SEPTIN14: variants seen among roughly 807,000 people sequenced by gnomAD.
SEPTIN14 encodes septin 14.
SEPTIN14 carries 40 observed loss-of-function variants against 53.6 expected under a neutral mutation model. The observed-to-expected ratio is 0.75, with a 90% CI of 0.58 to 0.97. SEPTIN14 has a LOEUF of 0.97. Ranked by LOEUF, SEPTIN14 falls within the 50% of genes least tolerant of loss-of-function variation. The probability of loss-of-function intolerance (pLI) is 0.00; values close to 1 mark genes in which losing one functional copy is unlikely to be tolerated. For missense variants in SEPTIN14, 471 were observed against 508.2 expected (o/e 0.93, Z 0.70); for synonymous variants, 138 against 166.8 (o/e 0.83, Z 1.33).
intron 2 of SEPTIN14, among the ~76,000 whole-genome samples, chr7:55,850,330 C>T (rs546690933): frequency 6.6e-6 from 1 of 152,148 alleles, no homozygotes; most frequent in African/African-American, 2.4e-5. Flanking sequence ...ATTAGCCGGG[C>T]ATGGTGGCAC....
At chr7:55,843,199 G>A in intron 4 of SEPTIN14, 71 bp from the exon 5 acceptor site, 1 of 909,286 alleles carries the variant, frequency 1.1e-6, no homozygotes, top group Non-Finnish European at 1.6e-6. Context: ...ACCACTTAAT[G>A]AGCAGTTAAC....
rs1562710019 is a variant in SEPTIN14, at chr7:55,819,242, A to G, written c.721-19T>C. 2 of 1,440,224 alleles carry G rather than the reference A, an allele frequency of 1.4e-6. No individual in the cohort carries two copies. The highest frequency in any genetic ancestry group is 1.9e-6 in the Non-Finnish European group (2 of 1,045,094). 89.2% of individuals were successfully genotyped at this position (1,440,224 alleles called of 1,614,324 possible). A position where few individuals can be genotyped will look rare whatever the true frequency, so the allele number is the denominator to read the frequency against. ...ACAGCCCCTAGAAAACAAGAATGAC[A>G]TGAATTGAATTCTCTAGCACCATTA... is the stretch of plus-strand genomic sequence containing the variant. On this transcript the variant is annotated intron_variant, in intron 6 of 9. Transcript: ENST00000388975.
At chr7:55,857,754 A>AT (rs1244216939) in intron 2 of SEPTIN14, among the ~76,000 whole-genome samples, 2 of 149,830 alleles carry the variant, frequency 1.3e-5, no homozygotes, top group South Asian at 2.1e-4. Flanking sequence ...CGCCCGGCTA[A>AT]TTTTTTGCAT....
At chr7:55,805,949 T>G (rs536482743) in intron 8 of SEPTIN14, among the ~76,000 whole-genome samples, 1 of 152,260 alleles carries the variant, frequency 6.6e-6, no homozygotes, top group South Asian at 2.1e-4. Flanking sequence ...ATGAATGATA[T>G]AACTAGATTA....
intron 6 of SEPTIN14, among the ~76,000 whole-genome samples, chr7:55,826,864 C>T (rs1014564706): frequency 2.0e-5 from 3 of 151,918 alleles, no homozygotes; most frequent in Non-Finnish European, 2.9e-5. Context: ...TGGCCTGGCA[C>T]CCTTCTGAGA....
intron 6 of SEPTIN14, among the ~76,000 whole-genome samples, chr7:55,833,553 C>G (rs1179269055): frequency 2.0e-5 from 3 of 151,510 alleles, no homozygotes; most frequent in Non-Finnish European, 4.4e-5. Flanking sequence ...ACTAAAAACA[C>G]AAAAATTAGC....
At chr7:55,840,241 C>A (rs1224907189) in intron 5 of SEPTIN14, among the ~76,000 whole-genome samples, 2 of 151,294 alleles carry the variant, frequency 1.3e-5, no homozygotes, top group African/African-American at 2.4e-5. Context: ...GTAATCCCAA[C>A]ACTTTGGGAG....
chr7:55,842,660 C>A (rs545160789), intron 5 of SEPTIN14, among the ~76,000 whole-genome samples: 3 of 151,684 alleles, frequency 2.0e-5, no homozygotes, highest in African/African-American at 7.2e-5. Flanking sequence ...CACCTGTAAT[C>A]CCAGCACTCT....
chr7:55,823,613 G>A (rs1044854208), intron 6 of SEPTIN14, among the ~76,000 whole-genome samples: 13 of 152,156 alleles, frequency 8.5e-5, no homozygotes, highest in East Asian at 1.9e-4. Context: ...GGCAGGTAGC[G>A]CGCCCAAGCA....
chr7:55,813,901 C>T (rs188676761), intron 7 of SEPTIN14, among the ~76,000 whole-genome samples: 43 of 152,130 alleles, frequency 2.8e-4, no homozygotes, highest in Non-Finnish European at 5.1e-4. Context: ...AGTAGCAAGG[C>T]AGTAGTTGCC....
rs113774830 is a variant in SEPTIN14 at position 55,807,962 on chromosome 7, T to C, written c.818-704A>G. Among the ~76,000 whole-genome samples, 1,244 of 152,176 alleles carry C rather than the reference T, an allele frequency of 8.2e-3. 8 individuals carry two copies. The highest frequency in any genetic ancestry group is 0.014 in the Middle Eastern group (4 of 294). ...GGTCAGTTCATTAAAAAAATAACAA[T>C]TGTAAATATATATGCACCCAATATC... On this transcript the variant is annotated intron_variant, in intron 7 of 9. Coordinates refer to ENST00000388975, the MANE Select transcript of SEPTIN14 (RefSeq NM_207366.3).
intron 3 of SEPTIN14, among the ~76,000 whole-genome samples, chr7:55,845,165 T>C: frequency 6.6e-6 from 1 of 152,160 alleles, no homozygotes. Flanking sequence ...AGTGAGAACA[T>C]GGCACATGTT....
intron 6 of SEPTIN14, among the ~76,000 whole-genome samples, chr7:55,829,532 CAG>C (rs1279461475): frequency 6.6e-6 from 1 of 151,996 alleles, no homozygotes; most frequent in African/African-American, 2.4e-5. Flanking sequence ...AAAAGATCAT[CAG>C]AGACTAATAT....
chr7:55,803,795 T>C (rs1317715989), intron 9 of SEPTIN14, among the ~76,000 whole-genome samples: 1 of 151,872 alleles, frequency 6.6e-6, no homozygotes, highest in East Asian at 1.9e-4. Flanking sequence ...ATTTAAATGG[T>C]TGCTTCGGTT....
chr7:55,844,304 G>C (rs115547635), intron 4 of SEPTIN14, among the ~76,000 whole-genome samples: 66 of 151,990 alleles, frequency 4.3e-4, no homozygotes, highest in Middle Eastern at 3.4e-3. Flanking sequence ...ACTAATAGAA[G>C]CTATATTTAA....
In SEPTIN14 at chr7:55,848,151, C is replaced by T. The variant is rs1439114417; in HGVS notation, c.55-1514G>A. ...CAACAATCAGCTCAGTAGATGTTGT[C>T]TACATTTATTTTGTACCTTTATAAA... On this transcript the variant is annotated intron_variant, in intron 2 of 9. Coordinates refer to ENST00000388975, the MANE Select transcript of SEPTIN14 (RefSeq NM_207366.3). 3.3e-5 allele frequency among the ~76,000 whole-genome samples: 5 copies of T among 152,230 alleles called. No homozygotes were observed. The South Asian group carries it at 1.0e-3, about 32-fold the overall frequency.
intron 2 of SEPTIN14, among the ~76,000 whole-genome samples, chr7:55,858,811 A>C (rs952490973): frequency 2.0e-5 from 3 of 151,802 alleles, no homozygotes; most frequent in African/African-American, 7.3e-5. Context: ...TCCCCCGCCA[A>C]AAAAAGCCCA....
chr7:55,817,829 T>C (rs1788821538), intron 7 of SEPTIN14, among the ~76,000 whole-genome samples: 1 of 152,142 alleles, frequency 6.6e-6, no homozygotes, highest in Non-Finnish European at 1.5e-5. Flanking sequence ...ACAAAAATAA[T>C]TGAGATAACA....
intron 2 of SEPTIN14, among the ~76,000 whole-genome samples, chr7:55,857,582 CTTTT>C (rs1162739964): frequency 1.4e-4 from 3 of 21,600 alleles, no homozygotes; most frequent in Admixed American, 6.0e-4. Flanking sequence ...GAGCCTGTGT[CTTTT>C]TTTTTTTTTT....
Sources: allele counts gnomAD v4.1 joint callset (sites outside exome capture counted in the v4.1 genomes callset), GRCh38; gene constraint gnomAD v4.1.1; transcripts MANE v1.5; gene names NCBI Gene and HGNC (gene_info 2026-07-23, HGNC 2026-07-21).